ITSN2: variants seen among roughly 807,000 people sequenced by gnomAD.
ITSN2 encodes intersectin 2.
ITSN2 carries 156 observed loss-of-function variants against 243.7 expected under a neutral mutation model. The ratio of observed to expected loss-of-function variants is 0.64; its 90% CI spans 0.56 to 0.73. The LOEUF (loss-of-function observed/expected upper bound fraction) is 0.73. ITSN2 is among the 30% of genes least tolerant of loss of function. ITSN2 has a pLI of 0.00. For missense variants in ITSN2, 1,801 were observed against 1,996.1 expected (o/e 0.90, Z 1.86); for synonymous variants, 703 against 699.9 (o/e 1.00, Z -0.07).
At chr2:24,354,836 G>A (rs527932047) in intron 1 of ITSN2, among the ~76,000 whole-genome samples, 12 of 152,176 alleles carry the variant, frequency 7.9e-5, no homozygotes, top group South Asian at 2.1e-4. Context: ...AATGTTTACC[G>A]TCTGGTAATA....
chr2:24,335,662 CAG>C (rs573485392), intron 1 of ITSN2, among the ~76,000 whole-genome samples: 4 of 141,720 alleles, frequency 2.8e-5, no homozygotes, highest in Non-Finnish European at 6.2e-5. Flanking sequence ...GTTTTTGAGA[CAG>C]AGTCTCACTC....
intron 9 of ITSN2, among the ~76,000 whole-genome samples, chr2:24,303,299 A>G (rs1327683652): frequency 6.6e-6 from 1 of 152,200 alleles, no homozygotes; most frequent in African/African-American, 2.4e-5. Context: ...GTGAGACAAG[A>G]TGTGGAGGTA....
chr2:24,246,692 A>G (rs1673414734), intron 28 of ITSN2, 105 bp downstream of exon 28: 16 of 738,234 alleles, frequency 2.2e-5, no homozygotes, highest in Non-Finnish European at 3.6e-5. Context: ...AGACATAAGG[A>G]AAGAACACAT....
At position 24,312,347 on chromosome 2, in the gene ITSN2, T is replaced by C; in HGVS notation, c.217A>G (p.Lys73Glu). The C allele has an allele frequency of 3.7e-6, 6 of 1,612,218 alleles. No individual in the cohort carries two copies. The highest frequency in any genetic ancestry group is 5.1e-6 in the Non-Finnish European group (6 of 1,178,950). The change falls in exon 5 of 40, where the codon AAG (lysine) becomes GAG (glutamate). Residue 73 changes from lysine to glutamate, a missense_variant. Physicochemically the swap from Lys to Glu is moderately conservative, Grantham distance 56. This residue lies in a region of ITSN2 where 77 missense variants were observed against 90.1 expected (regional missense o/e 0.85). Coordinates refer to ENST00000355123, the MANE Select transcript of ITSN2 (RefSeq NM_006277.3). The stretch of plus-strand genomic sequence containing the variant: ...ATGGAGAACTCTTGCTGATCCATCT[T>C]CCCATCCTTGTTTAGGTCTGATAAA... ...WALSDLNKDG[K>E]MDQQEFSIAM...
chr2:24,271,192 G>A (rs1677299660), intron 19 of ITSN2, among the ~76,000 whole-genome samples: 1 of 152,094 alleles, frequency 6.6e-6, no homozygotes, highest in Admixed American at 6.5e-5. Flanking sequence ...AGGGATGGCT[G>A]AAGAAAAATC....
At chr2:24,299,677 C>CT (rs1437955796) in intron 12 of ITSN2, among the ~76,000 whole-genome samples, 4 of 152,212 alleles carry the variant, frequency 2.6e-5, no homozygotes, top group Non-Finnish European at 5.9e-5. Flanking sequence ...GAGATATCAC[C>CT]TGCAGAGGAT....
In ITSN2 at chr2:24,258,823, T is replaced by C. The variant is rs530074300; in HGVS notation, c.2683-730A>G. Among the ~76,000 whole-genome samples the C allele has an allele frequency of 1.1e-4, 16 of 152,338 alleles. No individual in the cohort carries two copies. In the East Asian group the frequency reaches 2.9e-3, roughly 28 times the overall value. ...CTCTTCCAGACAAGGTTATTAATAA[T>C]AACATCAAAGCCAAATGCTTCTTCC... is the stretch of plus-strand genomic sequence containing the variant. On this transcript the variant is annotated intron_variant, in intron 22 of 39. Coordinates refer to ENST00000355123, the MANE Select transcript of ITSN2 (RefSeq NM_006277.3).
At chr2:24,351,681 A>C (rs2551147) in intron 1 of ITSN2, among the ~76,000 whole-genome samples, 148,937 of 152,300 alleles carry the variant, frequency 0.98, 72,821 homozygotes, top group East Asian at 0.99. Flanking sequence ...CATTGCCCGC[A>C]TCTGTCCCAA....
intron 1 of ITSN2, among the ~76,000 whole-genome samples, chr2:24,350,243 C>A (rs937417353): frequency 2.0e-5 from 3 of 152,134 alleles, no homozygotes; most frequent in Non-Finnish European, 4.4e-5. Flanking sequence ...TAGTGAGTGT[C>A]TTGGACCATA....
At chr2:24,221,567 G>GTAAAATGTATT (rs1167530461) in intron 29 of ITSN2, 1 of 152,434 alleles carries the variant, frequency 6.6e-6, no homozygotes, top group Non-Finnish European at 1.5e-5. Context: ...TATTCGAAAT[G>GTAAAATGTATT]TAAAATGTAT....
chr2:24,277,617 T>C (rs1678179587), intron 17 of ITSN2, among the ~76,000 whole-genome samples: 1 of 152,198 alleles, frequency 6.6e-6, no homozygotes, highest in African/African-American at 2.4e-5. Flanking sequence ...ATGAGGAGCA[T>C]GGGTCTGGAA....
intron 24 of ITSN2, among the ~76,000 whole-genome samples, chr2:24,253,156 CAGTT>C (rs879691661): frequency 2.0e-5 from 3 of 152,130 alleles, no homozygotes; most frequent in Non-Finnish European, 2.9e-5. Context: ...TTAGAAGAAA[CAGTT>C]GGTGACTTGG....
chr2:24,280,744 C>T (rs1216563634), intron 17 of ITSN2, among the ~76,000 whole-genome samples: 1 of 152,114 alleles, frequency 6.6e-6, no homozygotes, highest in Non-Finnish European at 1.5e-5. Context: ...CCATTCTCTC[C>T]TTCCTTTTTA....
At chr2:24,288,513 A>T (rs1299856240) in intron 15 of ITSN2, among the ~76,000 whole-genome samples, 2 of 152,138 alleles carry the variant, frequency 1.3e-5, no homozygotes, top group African/African-American at 4.8e-5. Context: ...TTAATTAGCT[A>T]GGCTCTCTAT....
At position 24,246,893 on chromosome 2, in the gene ITSN2, C is replaced by T. The variant is rs1394601292; in HGVS notation, c.3289G>A (p.Ala1097Thr). 2.5e-6 allele frequency: 4 copies of T among 1,602,378 alleles called. No individual in the cohort carries two copies. Among genetic ancestry groups the T allele is most frequent in the Non-Finnish European group, 3.4e-6 (4 of 1,172,472 alleles). ...CCTTTCTGTCGCTTTTTTCCTCTGG[C>T]CTAAAAATTAGCAAAAGAAATACAT... Reference protein sequence around the residue: ...TSGWWQGELQARGKKRQKGWF... With the variant: ...TSGWWQGELQTRGKKRQKGWF... The change falls in exon 28 of 40, where the codon GCC becomes ACC. Residue 1097 changes from alanine (A) to threonine (T), a missense_variant and splice_region_variant. Physicochemically the swap from Ala to Thr is moderately conservative, Grantham distance 58. Around this residue, in one of 5 missense-constraint regions of ITSN2, gnomAD observed 928 missense variants for 1,065.4 expected, o/e 0.87. Transcript: ENST00000355123.
At chr2:24,305,500 C>T (rs1455699748) in intron 8 of ITSN2, among the ~76,000 whole-genome samples, 2 of 142,488 alleles carry the variant, frequency 1.4e-5, no homozygotes, top group Non-Finnish European at 3.0e-5. Flanking sequence ...CGCTGGAACC[C>T]GGGGAGGCAG....
chr2:24,289,270 T>C (rs1453950138), intron 15 of ITSN2, among the ~76,000 whole-genome samples: 1 of 152,232 alleles, frequency 6.6e-6, no homozygotes, highest in Non-Finnish European at 1.5e-5. Flanking sequence ...TCCATTTATT[T>C]ATGTCTTTTT....
chr2:24,208,102 G>A (rs928432350), intron 37 of ITSN2, 135 bp downstream of exon 37: 10 of 774,606 alleles, frequency 1.3e-5, no homozygotes, highest in South Asian at 1.1e-4. Flanking sequence ...AAGAGGGGAG[G>A]GCTCTCTGGT....
chr2:24,347,489 C>T (rs6741216), intron 1 of ITSN2, among the ~76,000 whole-genome samples: 97,075 of 152,000 alleles, frequency 0.64, 31,466 homozygotes, highest in East Asian at 0.78. Context: ...GAGTTCGAGA[C>T]CAGCCTGACC....
Sources: allele counts gnomAD v4.1 joint callset (sites outside exome capture counted in the v4.1 genomes callset), GRCh38; gene constraint gnomAD v4.1.1; regional missense constraint gnomAD v4.1.1; transcripts MANE v1.5; gene names NCBI Gene and HGNC (gene_info 2026-07-23, HGNC 2026-07-21).